The following CLDN15 variants were observed in gnomAD, a reference collection of about 807,000 sequenced individuals.
CLDN15 encodes claudin-15.
Under a neutral mutation model 24.5 loss-of-function variants are expected in CLDN15, and 9 were observed. That is an observed-to-expected ratio of 0.37 (90% CI 0.22 to 0.64). The LOEUF (loss-of-function observed/expected upper bound fraction) is 0.64. Among genes scored for constraint, CLDN15 ranks in the 30% least tolerant of loss-of-function variants. The probability of loss-of-function intolerance (pLI) is 0.63; values close to 1 mark genes in which losing one functional copy is unlikely to be tolerated. For synonymous variants in CLDN15, 149 were observed against 131.4 expected (o/e 1.13, Z -0.92); for missense variants, 248 against 305.9 (o/e 0.81, Z 1.41).
At chr7:101,238,673 C>G (rs1417696773), upstream of CLDN15, 1 of 152,268 alleles carries the variant, frequency 6.6e-6, no homozygotes, top group Non-Finnish European at 1.5e-5. Flanking sequence ...GACTCAGCAT[C>G]GAGCCTGGTC....
At chr7:101,234,579 A>T (rs1191648138) in intron 1 of CLDN15, 137 bp from the exon 2 acceptor site, 2 of 619,892 alleles carry the variant, frequency 3.2e-6, no homozygotes, top group Non-Finnish European at 5.7e-6. Flanking sequence ...GACACGCACC[A>T]CCACGCCCGG....
intron 1 of CLDN15, among the ~76,000 whole-genome samples, chr7:101,235,249 A>G (rs1339079181): frequency 6.6e-6 from 1 of 152,188 alleles, no homozygotes; most frequent in Non-Finnish European, 1.5e-5. Flanking sequence ...GCGGTGCTGT[A>G]CAGCAGAGGG....
intron 1 of CLDN15, among the ~76,000 whole-genome samples, chr7:101,235,697 C>A (rs1798608007): frequency 6.6e-6 from 1 of 152,138 alleles, no homozygotes. Flanking sequence ...GGGGGGTAGG[C>A]AGGAGGGACA....
upstream of CLDN15, chr7:101,237,830 G>A (rs1798664473): frequency 1.8e-6 from 1 of 544,892 alleles, no homozygotes; most frequent in Non-Finnish European, 3.3e-6. This position sits in a 1 kb window ranked among gnomAD's most constrained non-coding sequence, Gnocchi z 4.0. Flanking sequence ...GGCAGCTGTT[G>A]ACGAGATGGA....
chr7:101,232,260 TGA>T lies in CLDN15; in HGVS notation c.*148_*149del, dbSNP rs1562902893. On this transcript the variant is annotated 3_prime_UTR_variant, in exon 5 of 5. Coordinates refer to ENST00000308344, the MANE Select transcript of CLDN15 (RefSeq NM_014343.3). ...AGCAGTTCTTGGCCTGGAGGGGCCA[TGA>T]GAGTGCAAGACACGGGGCCGTGGCC... The T allele has an allele frequency of 6.7e-6, 4 of 598,806 alleles. No individual in the cohort carries two copies. In the East Asian group the frequency reaches 8.5e-5, roughly 13 times the overall value. The allele number at this position is 598,806 out of a possible 1,614,324, so 37.1% of individuals were successfully genotyped here.
At chr7:101,238,359 A>G (rs3757460), upstream of CLDN15, 48,305 of 152,526 alleles carry the variant, frequency 0.32, 7,987 homozygotes, top group African/African-American at 0.42. Context: ...CTGCTCTGTC[A>G]GTGACATACC....
intron 2 of CLDN15, 35 bp downstream of exon 2, chr7:101,234,242 AG>A: frequency 6.5e-7 from 1 of 1,542,244 alleles, no homozygotes; most frequent in Non-Finnish European, 8.9e-7. Flanking sequence ...TCTGCGGTTG[AG>A]GGGGACCCCC....
At position 101,232,274 on chromosome 7, in the gene CLDN15, A is replaced by T. The variant is rs760242770; in HGVS notation, c.*136T>A. 3 of 622,808 alleles carry T rather than the reference A, an allele frequency of 4.8e-6. No individual in the cohort carries two copies. The highest frequency in any genetic ancestry group is 3.0e-5 in the Admixed American group (1 of 33,886). 38.6% of individuals were successfully genotyped at this position (622,808 alleles called of 1,614,324 possible). On this transcript the variant is annotated 3_prime_UTR_variant, in exon 5 of 5. Coordinates refer to ENST00000308344, the MANE Select transcript of CLDN15 (RefSeq NM_014343.3). ...TGGAGGGGCCATGAGAGTGCAAGAC[A>T]CGGGGCCGTGGCCGGGGCGGGGCTA...
intron 2 of CLDN15, chr7:101,233,876 A>G (rs984954500): frequency 9.6e-6 from 3 of 314,080 alleles, no homozygotes; most frequent in East Asian, 7.8e-5. Flanking sequence ...CACCCACCTC[A>G]GCCTACCAAA....
At chr7:101,233,952 T>G in intron 2 of CLDN15, 1 of 487,740 alleles carries the variant, frequency 2.1e-6, no homozygotes, top group Non-Finnish European at 4.0e-6. Flanking sequence ...GCACTGTGTG[T>G]GTGCGCCATA....
chr7:101,232,320 C>T lies in CLDN15; in HGVS notation c.*90G>A. On this transcript the variant is annotated 3_prime_UTR_variant, in exon 5 of 5. Coordinates refer to ENST00000308344, the MANE Select transcript of CLDN15 (RefSeq NM_014343.3). ...GGCTACGGGAGCGGGGCGTGGCCGGCCCCTGAGGTTACTATAGGGGAATGG... is the reference window on the plus strand; with the variant it reads ...GGCTACGGGAGCGGGGCGTGGCCGGTCCCTGAGGTTACTATAGGGGAATGG... The T allele has an allele frequency of 1.1e-6, 1 of 914,790 alleles. No homozygotes were observed. Among genetic ancestry groups the T allele is most frequent in the Non-Finnish European group, 1.7e-6 (1 of 595,342 alleles). 56.7% of individuals were successfully genotyped at this position (914,790 alleles called of 1,614,324 possible).
rs1798648511 is a variant in CLDN15, at chr7:101,237,372, G to C, written c.210C>G (p.Ala70=). 2 of 1,606,308 alleles carry C rather than the reference G, an allele frequency of 1.2e-6. No individual in the cohort carries two copies. The highest frequency in any genetic ancestry group is 2.7e-5 in the African/African-American group (2 of 74,774). Residue 70 remains alanine (A), a synonymous_variant, in exon 1 of 5, where the codon GCC becomes GCG. Transcript: ENST00000308344. The surrounding 1 kb of genome is among the most constrained non-coding windows in gnomAD (Gnocchi z 4.0). ...YNCWEFPSML[A]LSGYIQACRA... Reference sequence around the variant, plus strand: ...GCGCTCCCCACCCCATACCAGAGAGGGCCAGCATGGACGGGAACTCCCAGC... The same window carrying C: ...GCGCTCCCCACCCCATACCAGAGAGCGCCAGCATGGACGGGAACTCCCAGC...
rs1286145881 is a variant in CLDN15 at position 101,236,814 on chromosome 7, G to A, written c.217+551C>T. 2.3e-6 allele frequency: 3 copies of A among 1,291,154 alleles called. No homozygotes were observed. The South Asian group carries it at 3.7e-5, about 16-fold the overall frequency. 80.0% of individuals were successfully genotyped at this position (1,291,154 alleles called of 1,614,324 possible). The stretch of plus-strand genomic sequence containing the variant: ...ACTTGCAAGACGCCTCCCTTCACAG[G>A]GGCCCTTTATAGACATCAGCCGGAC... On this transcript the variant is annotated intron_variant, in intron 1 of 4. Coordinates refer to ENST00000308344, the MANE Select transcript of CLDN15 (RefSeq NM_014343.3).
At position 101,237,796 on chromosome 7, in the gene CLDN15, G is replaced by A. The variant is rs1798660908; in HGVS notation, c.-215C>T. The A allele has an allele frequency of 5.0e-6, 3 of 595,104 alleles. No homozygotes were observed. In the South Asian group the frequency reaches 5.9e-5, roughly 12 times the overall value. The allele number at this position is 595,104 out of a possible 1,614,324, so 36.9% of individuals were successfully genotyped here. A position where few individuals can be genotyped will look rare whatever the true frequency, so the allele number is the denominator to read the frequency against. ...GGTCTCTCTGCTTCCTGGCAGGTCA[G>A]AGGAATGAGCTAAGCCTGCGCGCGG... On this transcript the variant is annotated 5_prime_UTR_variant, in exon 1 of 5. Transcript: ENST00000308344. This position sits in a 1 kb window ranked among gnomAD's most constrained non-coding sequence, Gnocchi z 4.0.
Position 101,232,276 on chromosome 7 carries a change from G to A in CLDN15, c.*134C>T, listed in dbSNP as rs17135342. The A allele has an allele frequency of 4.8e-6, 3 of 625,010 alleles. No homozygotes were observed. The highest frequency in any genetic ancestry group is 5.6e-6 in the Non-Finnish European group (2 of 357,038). 38.7% of individuals were successfully genotyped at this position (625,010 alleles called of 1,614,324 possible). A position where few individuals can be genotyped will look rare whatever the true frequency, so the allele number is the denominator to read the frequency against. Reference sequence around the variant, plus strand: ...GAGGGGCCATGAGAGTGCAAGACACGGGGCCGTGGCCGGGGCGGGGCTACG... The same window carrying A: ...GAGGGGCCATGAGAGTGCAAGACACAGGGCCGTGGCCGGGGCGGGGCTACG... On this transcript the variant is annotated 3_prime_UTR_variant, in exon 5 of 5. Transcript: ENST00000308344.
Position 101,237,438 on chromosome 7 carries a change from G to A in CLDN15, c.144C>T (p.Leu48=). ...GGGAGTCGGTGGCACAGCTAAACCA[G>A]AGGTTCTCGAAGATGGTGTTGGTGG... ...VITTNTIFEN[L]WFSCATDSLG... Residue 48 remains leucine (L), a synonymous_variant, in exon 1 of 5, where the codon CTC becomes CTT. Coordinates refer to ENST00000308344, the MANE Select transcript of CLDN15 (RefSeq NM_014343.3). This position sits in a 1 kb window ranked among gnomAD's most constrained non-coding sequence, Gnocchi z 4.0. The A allele has an allele frequency of 6.2e-7, 1 of 1,614,024 alleles. No homozygotes were observed. Among genetic ancestry groups the A allele is most frequent in the Non-Finnish European group, 8.5e-7 (1 of 1,179,920 alleles).
intron 2 of CLDN15, 192 bp downstream of exon 2, chr7:101,234,086 C>T (rs1283885289): frequency 4.2e-6 from 3 of 716,794 alleles, no homozygotes; most frequent in East Asian, 5.3e-5. Flanking sequence ...TCAAGAAACA[C>T]TGCCGATGGG....
rs1031824590 is a variant in CLDN15, at chr7:101,232,306, C to A, written c.*104G>T. On this transcript the variant is annotated 3_prime_UTR_variant, in exon 5 of 5. Transcript: ENST00000308344. ...CGTGGCCGGGGCGGGGCTACGGGAG[C>A]GGGGCGTGGCCGGCCCCTGAGGTTA... 3 of 754,316 alleles carry A rather than the reference C, an allele frequency of 4.0e-6. No homozygotes were observed. In the African/African-American group the frequency reaches 5.3e-5, roughly 13 times the overall value. The allele number at this position is 754,316 out of a possible 1,614,324, so 46.7% of individuals were successfully genotyped here. A position where few individuals can be genotyped will look rare whatever the true frequency, so the allele number is the denominator to read the frequency against.
At chr7:101,233,054 T>C (rs1798534225) in intron 2 of CLDN15, 140 bp from the exon 3 acceptor site, 1 of 669,350 alleles carries the variant, frequency 1.5e-6, no homozygotes, top group African/African-American at 1.8e-5. Context: ...TCAATTCCTT[T>C]CTCCCCACCC....
Sources: allele counts gnomAD v4.1 joint callset (sites outside exome capture counted in the v4.1 genomes callset), GRCh38; gene constraint gnomAD v4.1.1; non-coding constraint Gnocchi (gnomAD v3.1); transcripts MANE v1.5; gene names NCBI Gene and HGNC (gene_info 2026-07-23, HGNC 2026-07-21).